Variants in AGBL4 observed in about 807,000 individuals in gnomAD.
AGBL4 encodes the protein AGBL carboxypeptidase 4.
A neutral mutation model predicts 66.4 loss-of-function variants in AGBL4; 58 were observed. The ratio of observed to expected loss-of-function variants is 0.87; its 90% confidence interval spans 0.71 to 1.09. AGBL4 has a LOEUF of 1.09. Ranked by LOEUF, AGBL4 falls within the 50% of genes least tolerant of loss-of-function variation. AGBL4 has a pLI of 0.00. For missense variants in AGBL4, 579 were observed against 631.0 expected (o/e 0.92, Z 0.88); for synonymous variants, 234 against 222.9 (o/e 1.05, Z -0.44).
chr1:48,610,424 G>A lies in AGBL4; in HGVS notation c.952-19439C>T, dbSNP rs538917372. Among the ~76,000 whole-genome samples, 19 of 152,314 alleles carry A rather than the reference G, an allele frequency of 1.2e-4. 1 individual carries two copies. In the East Asian group the frequency reaches 3.7e-3, roughly 29 times the overall value. ...CATACCACAGAATCACTGCCAGGTT[G>A]GTGGGGGGCATTGAGGAAGTAGGGC... On this transcript the variant is annotated intron_variant, in intron 9 of 13. Coordinates refer to ENST00000371839, the MANE Select transcript of AGBL4 (RefSeq NM_032785.4).
intron 4 of AGBL4, among the ~76,000 whole-genome samples, chr1:49,111,843 A>C (rs757929855): frequency 8.5e-5 from 13 of 152,224 alleles, no homozygotes; most frequent in Non-Finnish European, 1.6e-4. Flanking sequence ...ATGTTCAATA[A>C]ACTCTAGGAC....
intron 3 of AGBL4, among the ~76,000 whole-genome samples, chr1:49,556,456 AT>A (rs1279503954): frequency 6.6e-6 from 1 of 151,928 alleles, no homozygotes; most frequent in Non-Finnish European, 1.5e-5. Context: ...ATGTATACAT[AT>A]GTAACAAACC....
chr1:48,891,861 C>T (rs1339111568), intron 5 of AGBL4, among the ~76,000 whole-genome samples: 1 of 152,066 alleles, frequency 6.6e-6, no homozygotes, highest in Non-Finnish European at 1.5e-5. Context: ...GAACTTTTTT[C>T]ATTAAACCAT....
intron 1 of AGBL4, among the ~76,000 whole-genome samples, chr1:49,866,899 T>C (rs867743698): frequency 2.6e-5 from 4 of 152,084 alleles, no homozygotes; most frequent in African/African-American, 9.7e-5. Context: ...CCTCTAAAAA[T>C]GTTCTTGGCG....
Position 49,367,703 on chromosome 1 carries a change from A to T in AGBL4, c.283-121839T>A, listed in dbSNP as rs574366301. On this transcript the variant is annotated intron_variant, in intron 3 of 13. Transcript: ENST00000371839. The stretch of plus-strand genomic sequence containing the variant: ...GATCCTAGATGTTTGGGTTCTTACG[A>T]CGGAGGAAGAAAAAAATGTTTTTCT... 7.2e-5 allele frequency among the ~76,000 whole-genome samples: 11 copies of T among 152,282 alleles called. No homozygotes were observed. The South Asian group carries it at 1.7e-3, about 23-fold the overall frequency.
chr1:48,691,345 T>G (rs966531365), intron 6 of AGBL4, among the ~76,000 whole-genome samples: 43 of 152,062 alleles, frequency 2.8e-4, no homozygotes, highest in Middle Eastern at 3.2e-3. Flanking sequence ...ACATCTCAAT[T>G]GGAAGAACCA....
intron 3 of AGBL4, among the ~76,000 whole-genome samples, chr1:49,654,845 A>G (rs1646088636): frequency 6.6e-6 from 1 of 152,130 alleles, no homozygotes; most frequent in Non-Finnish European, 1.5e-5. Context: ...TTTCCTGAAT[A>G]CAGAACACTG....
intron 3 of AGBL4, among the ~76,000 whole-genome samples, chr1:49,454,730 T>C (rs1471930150): frequency 6.6e-6 from 1 of 151,580 alleles, no homozygotes; most frequent in Non-Finnish European, 1.5e-5. Context: ...GTTACAGAAG[T>C]GAGTATAACG....
intron 4 of AGBL4, among the ~76,000 whole-genome samples, chr1:49,183,335 T>C (rs562334300): frequency 1.7e-4 from 26 of 152,288 alleles, no homozygotes; most frequent in African/African-American, 6.0e-4. Flanking sequence ...TGTTTGAGAA[T>C]CTTTGACATG....
chr1:48,755,294 C>T (rs779711775), intron 6 of AGBL4, among the ~76,000 whole-genome samples: 1 of 152,176 alleles, frequency 6.6e-6, no homozygotes, highest in Non-Finnish European at 1.5e-5. Context: ...ATTCGTAGGA[C>T]CCCACTACCT....
chr1:49,727,369 A>G (rs1290181444), intron 2 of AGBL4, among the ~76,000 whole-genome samples: 1 of 152,144 alleles, frequency 6.6e-6, no homozygotes, highest in Non-Finnish European at 1.5e-5. Context: ...GTGCATAACA[A>G]TAGCAATTAA....
intron 3 of AGBL4, among the ~76,000 whole-genome samples, chr1:49,607,127 A>G (rs188888506): frequency 2.6e-5 from 4 of 152,266 alleles, no homozygotes; most frequent in Admixed American, 2.6e-4. Flanking sequence ...GATTATAAAC[A>G]TTCCCTAATT....
chr1:49,655,288 G>T (rs1168787375), intron 3 of AGBL4, among the ~76,000 whole-genome samples: 1 of 152,156 alleles, frequency 6.6e-6, no homozygotes, highest in Non-Finnish European at 1.5e-5. Flanking sequence ...GGCTTGTAGA[G>T]TTTCTGCCAA....
At position 49,190,213 on chromosome 1, in the gene AGBL4, C is replaced by A. The variant is rs145724376; in HGVS notation, c.377+55557G>T. The stretch of plus-strand genomic sequence containing the variant: ...CTGCCCATGAGTCTAAAGCCGCACA[C>A]AAAGTTTCTAAGATAAGCAGGGCTA... On this transcript the variant is annotated intron_variant, in intron 4 of 13. Transcript: ENST00000371839. Among the ~76,000 whole-genome samples the A allele has an allele frequency of 3.8e-3, 580 of 152,288 alleles. 2 individuals are homozygous for A. Among genetic ancestry groups the A allele is most frequent in the Non-Finnish European group, 5.1e-3 (349 of 68,028 alleles).
intron 3 of AGBL4, among the ~76,000 whole-genome samples, chr1:49,426,786 C>T (rs530651194): frequency 4.6e-5 from 7 of 152,228 alleles, no homozygotes; most frequent in African/African-American, 1.7e-4. Flanking sequence ...GTATTATGTT[C>T]AGATCTTCTA....
intron 3 of AGBL4, among the ~76,000 whole-genome samples, chr1:49,412,004 C>A (rs1645325549): frequency 6.6e-6 from 1 of 151,972 alleles, no homozygotes; most frequent in African/African-American, 2.4e-5. Flanking sequence ...TTTTTCTAGA[C>A]CAATCAATTT....
intron 1 of AGBL4, among the ~76,000 whole-genome samples, chr1:49,914,773 G>T (rs939888022): frequency 5.3e-5 from 8 of 152,122 alleles, no homozygotes; most frequent in East Asian, 1.9e-4. Context: ...TAAAGAAAAA[G>T]GTTATTTGGC....
chr1:48,622,478 T>A (rs74227987), intron 9 of AGBL4, among the ~76,000 whole-genome samples: 19 of 52,658 alleles, frequency 3.6e-4, no homozygotes, highest in Non-Finnish European at 2.6e-4. Context: ...CAAATACATT[T>A]TTTTTTTTTT....
At chr1:49,537,662 C>T (rs909382033) in intron 3 of AGBL4, among the ~76,000 whole-genome samples, 6 of 152,176 alleles carry the variant, frequency 3.9e-5, no homozygotes, top group Admixed American at 6.5e-5. Flanking sequence ...TGGTGGCTCA[C>T]GCCTGTAATC....
Sources: gnomAD v4.1 joint callset for allele counts (sites outside exome capture counted in the v4.1 genomes callset) on GRCh38, gnomAD v4.1.1 for gene constraint, MANE v1.5 for transcripts, NCBI Gene and HGNC (gene_info 2026-07-23, HGNC 2026-07-21) for gene names.